Variants in TRAPPC8 observed in about 807,000 individuals in gnomAD.
TRAPPC8 encodes the protein general sporulation gene 1 homolog.
A neutral mutation model predicts 174.3 loss-of-function variants in TRAPPC8; 54 were observed. The ratio of observed to expected loss-of-function variants is 0.31; its 90% CI spans 0.25 to 0.39. The LOEUF (loss-of-function observed/expected upper bound fraction) is 0.39, where lower values mean the gene tolerates loss of function less well. Among genes scored for constraint, TRAPPC8 ranks in the 10% least tolerant of loss-of-function variants. The pLI is 1.00. For synonymous variants in TRAPPC8, 630 were observed against 579.9 expected (o/e 1.09, Z -1.24); for missense variants, 1,531 against 1,699.1 (o/e 0.90, Z 1.74).
At chr18:31,889,434 T>A (rs1327539685) in intron 12 of TRAPPC8, among the ~76,000 whole-genome samples, 1 of 152,214 alleles carries the variant, frequency 6.6e-6, no homozygotes, top group African/African-American at 2.4e-5. Context: ...TTATTTTCAA[T>A]AGGAGACAAT....
chr18:31,908,349 C>T lies in TRAPPC8; in HGVS notation c.1192G>A (p.Val398Ile), dbSNP rs780736081. Reference protein sequence around the residue: ...ATKKWFSGSKVPEKSINDLKN... With the variant: ...ATKKWFSGSKIPEKSINDLKN... ...AGGTCATTAATGCTCTTTTCTGGAA[C>T]TTTACTGCCACTAAACCATTTTTTA... Residue 398 changes from valine to isoleucine, a missense_variant, in exon 8 of 29, where the codon GTT becomes ATT. By Grantham distance (29) the Val-to-Ile change is conservative (BLOSUM62 3). Transcript: ENST00000283351. The T allele has an allele frequency of 6.8e-6, 11 of 1,606,952 alleles. No homozygotes were observed. The highest frequency in any genetic ancestry group is 1.7e-5 in the Admixed American group (1 of 58,922).
intron 22 of TRAPPC8, among the ~76,000 whole-genome samples, chr18:31,853,471 T>C (rs2033823103): frequency 6.6e-6 from 1 of 152,166 alleles, no homozygotes; most frequent in Non-Finnish European, 1.5e-5. Flanking sequence ...TTTTACCATG[T>C]TGGCCAGGCT....
Position 31,857,569 on chromosome 18 carries a change from A to G in TRAPPC8, c.3159T>C (p.Tyr1053=), listed in dbSNP as rs1452553269. The G allele has an allele frequency of 1.9e-6, 3 of 1,605,344 alleles. No homozygotes were observed. In the East Asian group the frequency reaches 6.7e-5, roughly 36 times the overall value. Residue 1053 remains tyrosine (Y), a synonymous_variant, in exon 20 of 29, where the codon TAT becomes TAC. Transcript: ENST00000283351. The part of the protein sequence containing the change: ...GVHEINFLFY[Y]ESVKKQPKIR... ...TTTTTGGCTGCTTTTTGACACTTTC[A>G]TAGTAAAACAAAAAGTTAATTTCAT...
intron 11 of TRAPPC8, among the ~76,000 whole-genome samples, chr18:31,892,275 ATG>A (rs1381543806): frequency 1.3e-5 from 2 of 152,182 alleles, no homozygotes; most frequent in Admixed American, 6.5e-5. Context: ...ATGTATGTGC[ATG>A]TGTTTACATG....
chr18:31,870,195 C>T, intron 16 of TRAPPC8, 177 bp downstream of exon 16: 1 of 470,940 alleles, frequency 2.1e-6, no homozygotes, highest in Non-Finnish European at 3.6e-6. Context: ...ACTTCTATTC[C>T]TTATGTTTTT....
intron 2 of TRAPPC8, among the ~76,000 whole-genome samples, chr18:31,919,593 AT>A (rs1445512882): frequency 3.2e-4 from 20 of 61,618 alleles, no homozygotes; most frequent in African/African-American, 9.1e-4. Context: ...AATAAATAAA[AT>A]AATAATAATC....
intron 9 of TRAPPC8, among the ~76,000 whole-genome samples, chr18:31,905,698 A>T (rs747511265): frequency 4.0e-4 from 61 of 152,170 alleles, no homozygotes; most frequent in Non-Finnish European, 3.8e-4. Flanking sequence ...TTTTCTCAGA[A>T]GCCCATTATT....
chr18:31,861,526 T>C (rs534103913), intron 19 of TRAPPC8, among the ~76,000 whole-genome samples: 1 of 152,174 alleles, frequency 6.6e-6, no homozygotes, highest in Non-Finnish European at 1.5e-5. Flanking sequence ...GCTTAAACAA[T>C]GTAAAAGTAA....
intron 12 of TRAPPC8, among the ~76,000 whole-genome samples, chr18:31,889,850 A>G (rs2035879630): frequency 6.6e-6 from 1 of 152,340 alleles, no homozygotes; most frequent in South Asian, 2.1e-4. Flanking sequence ...AATTGAGAGT[A>G]ATTTCTGAAC....
chr18:31,851,548 C>T (rs1403234555), intron 24 of TRAPPC8, among the ~76,000 whole-genome samples: 1 of 151,214 alleles, frequency 6.6e-6, no homozygotes, highest in Non-Finnish European at 1.5e-5. Flanking sequence ...CAGGGTCTTG[C>T]CTTGGTCTCT....
intron 12 of TRAPPC8, 118 bp downstream of exon 12, chr18:31,890,617 T>C: frequency 8.6e-7 from 1 of 1,167,910 alleles, no homozygotes. Context: ...CCCTTACCAA[T>C]ACATTACCTC....
intron 27 of TRAPPC8, among the ~76,000 whole-genome samples, chr18:31,837,394 T>C (rs2032812154): frequency 6.6e-6 from 1 of 152,014 alleles, no homozygotes; most frequent in Admixed American, 6.6e-5. Flanking sequence ...TCAAAATAGT[T>C]CAAATCAGAA....
Position 31,852,455 on chromosome 18 carries a change from T to G in TRAPPC8, c.3552A>C (p.Gly1184=), listed in dbSNP as rs765280074. 1 of 1,614,132 alleles carries G rather than the reference T, an allele frequency of 6.2e-7. No individual in the cohort carries two copies. Among genetic ancestry groups the G allele is most frequent in the Non-Finnish European group, 8.5e-7 (1 of 1,180,026 alleles). Residue 1184 remains glycine, a synonymous_variant, in exon 24 of 29, where the codon GGA becomes GGC. Transcript: ENST00000283351. ...ATGCTTACTTGCATACCTGTTCATT[T>G]CCAAAGATGATATCTGCAAAGGTAT... ...EKYTFADIIF[G]NEQIISSASP... is the part of the protein sequence containing the mutation.
chr18:31,924,053 G>A (rs534945932), intron 2 of TRAPPC8, among the ~76,000 whole-genome samples: 10 of 152,176 alleles, frequency 6.6e-5, no homozygotes, highest in Non-Finnish European at 1.3e-4. Flanking sequence ...GGAGGCTGAG[G>A]TGGGTGGATC....
At chr18:31,891,035 A>T (rs1439333330) in intron 11 of TRAPPC8, 169 bp from the exon 12 acceptor site, 2 of 439,606 alleles carry the variant, frequency 4.5e-6, no homozygotes, top group Non-Finnish European at 7.2e-6. Flanking sequence ...TTTCCAATAA[A>T]CACAAAATTC....
intron 3 of TRAPPC8, 92 bp downstream of exon 3, chr18:31,917,486 T>C (rs1410375504): frequency 1.0e-5 from 11 of 1,084,186 alleles, no homozygotes; most frequent in Non-Finnish European, 1.5e-5. Flanking sequence ...CTATTCTCTG[T>C]ATCTTCAACA....
At chr18:31,913,560 G>A (rs2037006825) in intron 4 of TRAPPC8, 38 bp from the exon 5 acceptor site, 1 of 1,512,698 alleles carries the variant, frequency 6.6e-7, no homozygotes. Context: ...AAGTAAAAGA[G>A]GAGCAGGCCT....
intron 16 of TRAPPC8, among the ~76,000 whole-genome samples, chr18:31,869,382 A>T (rs2034733193): frequency 6.6e-6 from 1 of 152,242 alleles, no homozygotes; most frequent in South Asian, 2.1e-4. Flanking sequence ...CAAAGTTTTT[A>T]AGTTAATACT....
chr18:31,921,388 C>A (rs554053764), intron 2 of TRAPPC8, among the ~76,000 whole-genome samples: 5 of 151,996 alleles, frequency 3.3e-5, no homozygotes, highest in Admixed American at 2.0e-4. Context: ...CCGAGGCAGG[C>A]GGATTACCTG....
Sources: allele counts gnomAD v4.1 joint callset (sites outside exome capture counted in the v4.1 genomes callset), GRCh38; gene constraint gnomAD v4.1.1; transcripts MANE v1.5; gene names NCBI Gene and HGNC (gene_info 2026-07-23, HGNC 2026-07-21).